Variants in R3HDM1 observed in about 807,000 individuals in gnomAD.
R3HDM1 encodes R3H domain-containing protein 1.
A neutral mutation model predicts 141.1 loss-of-function variants in R3HDM1; 46 were observed. The ratio of observed to expected loss-of-function variants is 0.33; its 90% CI spans 0.26 to 0.42. The LOEUF (loss-of-function observed/expected upper bound fraction) is 0.42. Among genes scored for constraint, R3HDM1 ranks in the 10% least tolerant of loss-of-function variants. The probability of loss-of-function intolerance (pLI) is 1.00; values close to 1 mark genes in which losing one functional copy is unlikely to be tolerated. For missense variants in R3HDM1, 1,184 were observed against 1,368.3 expected (o/e 0.87, Z 2.12); for synonymous variants, 435 against 472.9 (o/e 0.92, Z 1.04).
At chr2:135,625,251 A>G (rs1031037452) in intron 7 of R3HDM1, among the ~76,000 whole-genome samples, 5 of 152,196 alleles carry the variant, frequency 3.3e-5, no homozygotes, top group East Asian at 1.9e-4. Flanking sequence ...GGAGTTCGAC[A>G]CCAGCCTGAC....
intron 7 of R3HDM1, among the ~76,000 whole-genome samples, chr2:135,630,292 A>C (rs937637334): frequency 3.4e-5 from 5 of 146,098 alleles, no homozygotes; most frequent in East Asian, 2.0e-4. Flanking sequence ...AAAAAAAAAA[A>C]AAAAAAAAAA....
At chr2:135,711,174 A>C (rs1050963927) in intron 23 of R3HDM1, among the ~76,000 whole-genome samples, 12 of 152,250 alleles carry the variant, frequency 7.9e-5, no homozygotes, top group African/African-American at 2.9e-4. Context: ...CTACTAGTTT[A>C]TGGGAAATAT....
chr2:135,567,058 T>C (rs1327817024), intron 1 of R3HDM1, among the ~76,000 whole-genome samples: 3 of 152,168 alleles, frequency 2.0e-5, no homozygotes, highest in African/African-American at 7.2e-5. Flanking sequence ...CACGTCTTTG[T>C]GGTCAAGTTC....
At chr2:135,716,881 G>A (rs757559006) in intron 24 of R3HDM1, among the ~76,000 whole-genome samples, 14 of 152,172 alleles carry the variant, frequency 9.2e-5, no homozygotes, top group South Asian at 2.1e-4. Flanking sequence ...GAACCTGGGC[G>A]GCAGAGGCTG....
At chr2:135,701,846 C>T (rs147932838) in intron 21 of R3HDM1, among the ~76,000 whole-genome samples, 39 of 152,234 alleles carry the variant, frequency 2.6e-4, no homozygotes, top group Non-Finnish European at 3.1e-4. Context: ...AAAGCAAAAC[C>T]ACAGATAAGG....
intron 1 of R3HDM1, among the ~76,000 whole-genome samples, chr2:135,553,696 G>T (rs896599003): frequency 1.3e-5 from 2 of 152,104 alleles, no homozygotes; most frequent in African/African-American, 4.8e-5. Flanking sequence ...TTGTTTGTTT[G>T]TTTGTTTGTT....
chr2:135,692,695 C>T (rs1358511169), intron 21 of R3HDM1, among the ~76,000 whole-genome samples: 4 of 151,930 alleles, frequency 2.6e-5, no homozygotes, highest in Non-Finnish European at 5.9e-5. Flanking sequence ...AAAAAAAAGG[C>T]CAAAAATTAG....
At chr2:135,542,060 AAG>A (rs1291054559) in intron 1 of R3HDM1, among the ~76,000 whole-genome samples, 1 of 152,182 alleles carries the variant, frequency 6.6e-6, no homozygotes, top group Non-Finnish European at 1.5e-5. Context: ...TCATAGCCTA[AAG>A]GGAATTTTAT....
At chr2:135,549,864 TA>T (rs1487612213) in intron 1 of R3HDM1, 23 of 633,116 alleles carry the variant, frequency 3.6e-5, no homozygotes, top group Non-Finnish European at 4.5e-5. Flanking sequence ...ATTGTACCTT[TA>T]AAAATGGTCA....
At chr2:135,717,217 C>T (rs891197767) in intron 24 of R3HDM1, among the ~76,000 whole-genome samples, 1 of 152,176 alleles carries the variant, frequency 6.6e-6, no homozygotes, top group Non-Finnish European at 1.5e-5. Context: ...GGCATGGTGG[C>T]TCACGCCTGT....
At chr2:135,690,216 A>G (rs1425965721) in intron 21 of R3HDM1, among the ~76,000 whole-genome samples, 1 of 151,778 alleles carries the variant, frequency 6.6e-6, no homozygotes, top group Non-Finnish European at 1.5e-5. Flanking sequence ...ATTTCTCCTA[A>G]GCTTCTAGTT....
chr2:135,680,222 A>G lies in R3HDM1; in HGVS notation c.2357A>G (p.Gln786Arg), dbSNP rs1282945269. 1.2e-6 allele frequency: 2 copies of G among 1,613,808 alleles called. No individual in the cohort carries two copies. The highest frequency in any genetic ancestry group is 1.7e-6 in the Non-Finnish European group (2 of 1,179,684). ...SQGIPHQTYQ[Q>R]PVMFPNQSNQ... Reference sequence around the variant, plus strand: ...GGAATTCCCCATCAGACTTATCAACAGCCTGTTATGTTCCCTAATCAGTCT... The same window carrying G: ...GGAATTCCCCATCAGACTTATCAACGGCCTGTTATGTTCCCTAATCAGTCT... Residue 786 changes from glutamine to arginine, a missense_variant, in exon 21 of 27, where the codon CAG becomes CGG. Gln to Arg is a conservative substitution (Grantham distance 43, BLOSUM62 1). Coordinates refer to ENST00000683871, the MANE Select transcript of R3HDM1 (RefSeq NM_001378107.1).
At chr2:135,624,872 C>T (rs985720725) in intron 7 of R3HDM1, among the ~76,000 whole-genome samples, 4 of 152,138 alleles carry the variant, frequency 2.6e-5, no homozygotes, top group Non-Finnish European at 5.9e-5. Context: ...ACTTGATGAT[C>T]ATTTTTATAT....
intron 3 of R3HDM1, chr2:135,607,776 G>A (rs1319613009): frequency 1.1e-6 from 1 of 877,896 alleles, no homozygotes; most frequent in African/African-American, 1.8e-5. Context: ...GACCACTTTT[G>A]CATCATGGCC....
chr2:135,555,711 G>C (rs1173637710), intron 1 of R3HDM1, among the ~76,000 whole-genome samples: 1 of 152,208 alleles, frequency 6.6e-6, no homozygotes, highest in Non-Finnish European at 1.5e-5. Context: ...TATCCATGCA[G>C]TAGAACATTG....
chr2:135,535,031 C>CT (rs1695743310), intron 1 of R3HDM1, among the ~76,000 whole-genome samples: 1 of 152,110 alleles, frequency 6.6e-6, no homozygotes, highest in Admixed American at 6.5e-5. Context: ...TCACTATTGA[C>CT]TTTCCATATT....
At chr2:135,689,122 T>G (rs912024819) in intron 21 of R3HDM1, among the ~76,000 whole-genome samples, 2 of 152,226 alleles carry the variant, frequency 1.3e-5, no homozygotes, top group Non-Finnish European at 2.9e-5. Flanking sequence ...TATTTTTTGA[T>G]GCCCTCCAGG....
chr2:135,542,265 GAA>G (rs888768207), intron 1 of R3HDM1, among the ~76,000 whole-genome samples: 2 of 152,222 alleles, frequency 1.3e-5, no homozygotes, highest in Admixed American at 1.3e-4. Context: ...TACTAAGGGG[GAA>G]AAGTACCTAT....
At chr2:135,573,234 C>T (rs1396368769) in intron 1 of R3HDM1, among the ~76,000 whole-genome samples, 5 of 152,192 alleles carry the variant, frequency 3.3e-5, no homozygotes, top group South Asian at 2.1e-4. Flanking sequence ...GGTCATCGAT[C>T]TACTGCCTCC....
Sources: gnomAD v4.1 joint callset for allele counts (sites outside exome capture counted in the v4.1 genomes callset) on GRCh38, gnomAD v4.1.1 for gene constraint, MANE v1.5 for transcripts, NCBI Gene and HGNC (gene_info 2026-07-23, HGNC 2026-07-21) for gene names.